Variants in ELOVL4 observed in about 807,000 individuals in gnomAD.
ELOVL4 encodes the protein very long chain fatty acid elongase 4.
Under a neutral mutation model 42.1 loss-of-function variants are expected in ELOVL4, and 18 were observed. The observed-to-expected ratio is 0.43, with a 90% CI of 0.30 to 0.63. The LOEUF is 0.63. Ranked by LOEUF, ELOVL4 falls within the 30% of genes least tolerant of loss-of-function variation. The pLI is 0.15. For synonymous variants in ELOVL4, 117 were observed against 127.0 expected, an observed-to-expected ratio of 0.92 and a Z score of 0.53; for missense variants, 299 against 376.2, an observed-to-expected ratio of 0.79 and a Z score of 1.70.
At chr6:79,922,890 A>G (rs182641278) in intron 3 of ELOVL4, among the ~76,000 whole-genome samples, 5 of 152,338 alleles carry the variant, frequency 3.3e-5, no homozygotes, top group African/African-American at 1.2e-4. Context: ...TTATTTACTG[A>G]ATTTACTTGA....
intron 1 of ELOVL4, among the ~76,000 whole-genome samples, chr6:79,937,345 A>C (rs1268653965): frequency 1.3e-5 from 2 of 152,306 alleles, no homozygotes; most frequent in African/African-American, 4.8e-5. Flanking sequence ...AGAAATTATA[A>C]AATTTCCTAG....
chr6:79,922,664 T>G (rs960165965), intron 3 of ELOVL4, among the ~76,000 whole-genome samples: 7 of 152,238 alleles, frequency 4.6e-5, no homozygotes, highest in Non-Finnish European at 8.8e-5. Flanking sequence ...ATTTATAAGC[T>G]TTCATGTGTT....
chr6:79,928,823 T>A lies in ELOVL4; in HGVS notation c.101-2442A>T, dbSNP rs570568352. 2.9e-5 allele frequency among the ~76,000 whole-genome samples: 4 copies of A among 139,922 alleles called. No individual in the cohort carries two copies. In the South Asian group the frequency reaches 9.7e-4, roughly 34 times the overall value. The allele number at this position is 139,922 out of a possible 152,430, so 91.8% of individuals were successfully genotyped here. ...GGTGCACACATGGCTCACTGCAGCC[T>A]CCACCTCCAGGGCTCAAGTGATCCA... On this transcript the variant is annotated intron_variant, in intron 1 of 5. Coordinates refer to ENST00000369816, the MANE Select transcript of ELOVL4 (RefSeq NM_022726.4).
chr6:79,942,056 G>C (rs909796405), intron 1 of ELOVL4, among the ~76,000 whole-genome samples: 1 of 152,130 alleles, frequency 6.6e-6, no homozygotes, highest in African/African-American at 2.4e-5. Context: ...ACTGGGTTCT[G>C]GTAAAAGGTA....
intron 1 of ELOVL4, among the ~76,000 whole-genome samples, chr6:79,931,948 T>A (rs1413233992): frequency 1.3e-5 from 2 of 152,222 alleles, no homozygotes; most frequent in East Asian, 3.9e-4. Context: ...AAGCCAAATA[T>A]CATAGCAAAT....
At chr6:79,919,663 A>G in intron 4 of ELOVL4, 116 bp from the exon 5 acceptor site, 1 of 930,094 alleles carries the variant, frequency 1.1e-6, no homozygotes, top group South Asian at 1.7e-5. Context: ...TTGAGTACAG[A>G]TTAGAAATGA....
chr6:79,932,168 T>C (rs1254693087), intron 1 of ELOVL4, among the ~76,000 whole-genome samples: 5 of 152,210 alleles, frequency 3.3e-5, no homozygotes, highest in South Asian at 4.1e-4. Flanking sequence ...GTAATAATTA[T>C]GTAACTATGT....
chr6:79,921,539 C>A, intron 4 of ELOVL4, 86 bp downstream of exon 4: 17 of 887,038 alleles, frequency 1.9e-5, no homozygotes, highest in African/African-American at 5.4e-5. Context: ...AATGGTAGAT[C>A]AAGTCAAAGT....
At chr6:79,934,054 T>A (rs1236375574) in intron 1 of ELOVL4, among the ~76,000 whole-genome samples, 2 of 152,208 alleles carry the variant, frequency 1.3e-5, no homozygotes, top group Non-Finnish European at 2.9e-5. Context: ...GTTGAACATC[T>A]CGCATCTGAG....
In ELOVL4 at chr6:79,915,473, C is replaced by T. The variant is rs1324363705; in HGVS notation, c.*1135G>A. On this transcript the variant is annotated 3_prime_UTR_variant, in exon 6 of 6. Coordinates refer to ENST00000369816, the MANE Select transcript of ELOVL4 (RefSeq NM_022726.4). ...TTCATACCTAGTTAATAAATAAGAT[C>T]TTGCAACTTAGTCACAAGGAAAACG... The T allele has an allele frequency of 1.3e-5, 2 of 152,506 alleles. No homozygotes were observed. Among genetic ancestry groups the T allele is most frequent in the African/African-American group, 4.8e-5 (2 of 41,418 alleles). The allele number at this position is 152,506 out of a possible 1,614,324, so 9.4% of individuals were successfully genotyped here.
At chr6:79,919,920 A>G (rs1202907982) in intron 4 of ELOVL4, among the ~76,000 whole-genome samples, 2 of 152,164 alleles carry the variant, frequency 1.3e-5, no homozygotes, top group Non-Finnish European at 2.9e-5. Context: ...TCTGCAACAA[A>G]ACAGTACTTA....
At chr6:79,923,624 C>A (rs1415743619) in intron 3 of ELOVL4, among the ~76,000 whole-genome samples, 1 of 152,144 alleles carries the variant, frequency 6.6e-6, no homozygotes, top group African/African-American at 2.4e-5. Flanking sequence ...CTCTCAGTCA[C>A]CTTCTAGGTT....
At chr6:79,920,891 A>G (rs1365801517) in intron 4 of ELOVL4, among the ~76,000 whole-genome samples, 5 of 152,118 alleles carry the variant, frequency 3.3e-5, no homozygotes, top group African/African-American at 7.2e-5. Context: ...GTGCTCAAAA[A>G]GTTTTGAATT....
chr6:79,938,148 G>A (rs1732361472), intron 1 of ELOVL4, among the ~76,000 whole-genome samples: 1 of 152,208 alleles, frequency 6.6e-6, no homozygotes, highest in African/African-American at 2.4e-5. Context: ...GCTGAAGAAT[G>A]TTGCCTCGTT....
intron 2 of ELOVL4, 141 bp from the exon 3 acceptor site, chr6:79,925,173 T>G: frequency 1.6e-6 from 1 of 624,890 alleles, no homozygotes. Context: ...AAAAATTTCA[T>G]GCATTCCGAT....
intron 1 of ELOVL4, among the ~76,000 whole-genome samples, chr6:79,942,316 T>C (rs140223899): frequency 1.1e-4 from 16 of 152,308 alleles, no homozygotes; most frequent in African/African-American, 7.2e-5. Flanking sequence ...TTTTAAAATA[T>C]ATATTCTAAT....
intron 1 of ELOVL4, 146 bp from the exon 2 acceptor site, chr6:79,926,527 T>C: frequency 2.5e-6 from 2 of 798,848 alleles, no homozygotes; most frequent in Middle Eastern, 3.5e-4. Flanking sequence ...AAAAAATACA[T>C]GGTATAAAAA....
chr6:79,944,957 G>A (rs1325363660), intron 1 of ELOVL4, among the ~76,000 whole-genome samples: 4 of 136,492 alleles, frequency 2.9e-5, no homozygotes, highest in Admixed American at 8.1e-5. Flanking sequence ...ATTATGCTGA[G>A]AGGTGGAATC....
At chr6:79,929,105 G>A (rs1258604320) in intron 1 of ELOVL4, among the ~76,000 whole-genome samples, 1 of 143,740 alleles carries the variant, frequency 7.0e-6, no homozygotes, top group Non-Finnish European at 1.5e-5. Flanking sequence ...AACTGGATGG[G>A]AAGTAGGTGA....
Sources: gnomAD v4.1 joint callset for allele counts (sites outside exome capture counted in the v4.1 genomes callset) on GRCh38, gnomAD v4.1.1 for gene constraint, MANE v1.5 for transcripts, NCBI Gene and HGNC (gene_info 2026-07-23, HGNC 2026-07-21) for gene names.